ARNT2: variants seen among roughly 807,000 people sequenced by gnomAD.
ARNT2 encodes the protein aryl hydrocarbon receptor nuclear translocator 2.
Under a neutral mutation model 91.7 loss-of-function variants are expected in ARNT2, and 36 were observed. That is an observed-to-expected ratio of 0.39 (90% confidence interval 0.30 to 0.52). The LOEUF (loss-of-function observed/expected upper bound fraction) is 0.52. Among genes scored for constraint, ARNT2 ranks in the 20% least tolerant of loss-of-function variants. The pLI is 0.72. For missense variants in ARNT2, 775 were observed against 939.3 expected (o/e 0.83, Z 2.29); for synonymous variants, 365 against 347.1 (o/e 1.05, Z -0.57).
chr15:80,518,277 C>CTTTT lies in ARNT2; in HGVS notation c.877+3891_877+3894dup, dbSNP rs56726705. On this transcript the variant is annotated intron_variant, in intron 8 of 18. Coordinates refer to ENST00000303329, the MANE Select transcript of ARNT2 (RefSeq NM_014862.4). Reference sequence around the variant, plus strand: ...CCGAAGAACTTTTTCTTTTTCTATTCTTTTTTTTTTTTTTTTTTTTTTGAG... The same window carrying CTTTT: ...CCGAAGAACTTTTTCTTTTTCTATTCTTTTTTTTTTTTTTTTTTTTTTTTTTGAG... Among the ~76,000 whole-genome samples the CTTTT allele has an allele frequency of 3.9e-3, 351 of 89,356 alleles. 9 individuals carry two copies. Among genetic ancestry groups the CTTTT allele is most frequent in the African/African-American group, 8.3e-3 (181 of 21,840 alleles). 58.6% of individuals were successfully genotyped at this position (89,356 alleles called of 152,430 possible). A position where few individuals can be genotyped will look rare whatever the true frequency, so the allele number is the denominator to read the frequency against.
rs546310489 is a variant in ARNT2, at chr15:80,536,014, G to A, written c.878-15185G>A. Among the ~76,000 whole-genome samples the A allele has an allele frequency of 3.0e-4, 45 of 152,170 alleles. 1 individual carries two copies. Among genetic ancestry groups the A allele is most frequent in the African/African-American group, 9.2e-4 (38 of 41,504 alleles). Reference sequence around the variant, plus strand: ...CTCTCTGCATGTCTGCTTTTACACCGACCCAATCCAATCACATCCTTTTAT... The same window carrying A: ...CTCTCTGCATGTCTGCTTTTACACCAACCCAATCCAATCACATCCTTTTAT... On this transcript the variant is annotated intron_variant, in intron 8 of 18. Coordinates refer to ENST00000303329, the MANE Select transcript of ARNT2 (RefSeq NM_014862.4).
intron 9 of ARNT2, 40 bp from the exon 10 acceptor site, chr15:80,552,600 C>T: frequency 6.2e-7 from 1 of 1,604,000 alleles, no homozygotes; most frequent in Non-Finnish European, 8.5e-7. Context: ...CATCTCGTCT[C>T]TGTCAACACC....
At position 80,576,958 on chromosome 15, in the gene ARNT2, G is replaced by A. The variant is rs550003209; in HGVS notation, c.1606G>A (p.Ala536Thr). Residue 536 changes from alanine (A) to threonine (T), a missense_variant, in exon 15 of 19, where the codon GCC becomes ACC. By Grantham distance (58) the Ala-to-Thr change is moderately conservative (BLOSUM62 0). Coordinates refer to ENST00000303329, the MANE Select transcript of ARNT2 (RefSeq NM_014862.4). ...ATTTCCCTCTGGACACTCCGGGAAG[G>A]CCTTCAGGTATGTGCCAGCGAGGGG... The part of the protein sequence containing the change: ...SPFPSGHSGK[A>T]FSSSVVHVPG... 2.5e-6 allele frequency: 4 copies of A among 1,614,030 alleles called. No individual in the cohort carries two copies. The highest frequency in any genetic ancestry group is 2.2e-5 in the East Asian group (1 of 44,880).
At chr15:80,581,209 T>C in intron 16 of ARNT2, 30 bp from the exon 17 acceptor site, 1 of 1,611,240 alleles carries the variant, frequency 6.2e-7, no homozygotes, top group Non-Finnish European at 8.5e-7. Context: ...TGGTGATGCT[T>C]TCCATCTCTT....
intron 3 of ARNT2, among the ~76,000 whole-genome samples, chr15:80,464,245 C>A (rs1896613618): frequency 6.6e-6 from 1 of 151,882 alleles, no homozygotes; most frequent in Non-Finnish European, 1.5e-5. Flanking sequence ...TGTTCCCAGT[C>A]CTGGTAAGTC....
At chr15:80,586,668 C>T (rs1004512371) in intron 17 of ARNT2, among the ~76,000 whole-genome samples, 9 of 151,970 alleles carry the variant, frequency 5.9e-5, no homozygotes, top group Admixed American at 5.2e-4. Context: ...GAGTCCAAGA[C>T]CAGCCTGGCC....
chr15:80,581,430 T>A (rs1338648741), intron 17 of ARNT2, 26 bp downstream of exon 17: 1 of 1,613,392 alleles, frequency 6.2e-7, no homozygotes, highest in East Asian at 2.2e-5. Context: ...GGGAGTGAGA[T>A]TCTGGGAAAG....
intron 1 of ARNT2, among the ~76,000 whole-genome samples, chr15:80,428,317 G>T (rs1895960795): frequency 6.6e-6 from 1 of 152,192 alleles, no homozygotes; most frequent in African/African-American, 2.4e-5. Flanking sequence ...AAGATGTCTT[G>T]GACATGATCT....
rs1567002482 is a variant in ARNT2 at position 80,563,127 on chromosome 15, C to T, written c.1204C>T (p.Arg402Ter). 1 of 1,614,178 alleles carries T rather than the reference C, an allele frequency of 6.2e-7. No homozygotes were observed. ...AGGCCAAGTCCTGTCGGTCATGTAT[C>T]GATTTCGCACCAAGAACCGGGAGTG... ...LKGQVLSVMY[R>*]FRTKNREWML... Residue 402 changes from arginine to a stop codon, truncating the protein, a stop_gained, in exon 12 of 19, where the codon CGA becomes TGA. Transcript: ENST00000303329. LOFTEE classifies it high-confidence loss of function.
At position 80,460,805 on chromosome 15, in the gene ARNT2, A is replaced by G. The variant is rs563349448; in HGVS notation, c.194+2829A>G. Reference sequence around the variant, plus strand: ...GGAGGGGTACTTTTTAAGGATGAGTACATCCATGTGAGGAGGAGAAGTAAT... The same window carrying G: ...GGAGGGGTACTTTTTAAGGATGAGTGCATCCATGTGAGGAGGAGAAGTAAT... On this transcript the variant is annotated intron_variant, in intron 3 of 18. Coordinates refer to ENST00000303329, the MANE Select transcript of ARNT2 (RefSeq NM_014862.4). Among the ~76,000 whole-genome samples, 5 of 152,292 alleles carry G rather than the reference A, an allele frequency of 3.3e-5. No individual in the cohort carries two copies. In the South Asian group the frequency reaches 8.3e-4, roughly 25 times the overall value.
At chr15:80,513,840 G>C in intron 6 of ARNT2, 71 bp from the exon 7 acceptor site, 1 of 1,308,776 alleles carries the variant, frequency 7.6e-7, no homozygotes, top group Non-Finnish European at 1.1e-6. Context: ...TCATCTACTT[G>C]ATGGCAGCAC....
intron 6 of ARNT2, among the ~76,000 whole-genome samples, chr15:80,509,847 C>A (rs995683186): frequency 6.6e-6 from 1 of 152,130 alleles, no homozygotes; most frequent in African/African-American, 2.4e-5. Context: ...GTCTCAGAAG[C>A]AGAGTGAATG....
At chr15:80,524,326 G>T (rs923792328) in intron 8 of ARNT2, among the ~76,000 whole-genome samples, 1 of 152,182 alleles carries the variant, frequency 6.6e-6, no homozygotes, top group Non-Finnish European at 1.5e-5. Flanking sequence ...CAAACCTTTT[G>T]TAGAATAACC....
chr15:80,423,923 T>C (rs927014198), intron 1 of ARNT2, among the ~76,000 whole-genome samples: 4 of 152,198 alleles, frequency 2.6e-5, no homozygotes, highest in Admixed American at 2.6e-4. Context: ...GCGTTTGGCT[T>C]CAAGTAAAGA....
At chr15:80,456,767 T>A (rs573357814) in intron 2 of ARNT2, among the ~76,000 whole-genome samples, 71 of 152,192 alleles carry the variant, frequency 4.7e-4, no homozygotes, top group African/African-American at 1.6e-3. Context: ...AGGGTATGGG[T>A]CACCCTTACT....
At chr15:80,418,794 A>G (rs1046338098) in intron 1 of ARNT2, among the ~76,000 whole-genome samples, 5 of 152,232 alleles carry the variant, frequency 3.3e-5, no homozygotes, top group Non-Finnish European at 7.3e-5. Flanking sequence ...GTCCCAAGAC[A>G]ATCAAGTTTT....
chr15:80,570,174 C>A (rs1898560261), intron 12 of ARNT2, among the ~76,000 whole-genome samples: 1 of 152,194 alleles, frequency 6.6e-6, no homozygotes, highest in African/African-American at 2.4e-5. Flanking sequence ...CATATGTGTT[C>A]CATATTCTTG....
intron 13 of ARNT2, 95 bp from the exon 14 acceptor site, chr15:80,574,892 G>A (rs1898642470): frequency 7.0e-7 from 1 of 1,423,336 alleles, no homozygotes; most frequent in African/African-American, 1.4e-5. Flanking sequence ...CCAGAGGGAG[G>A]GGGCTCTGAT....
chr15:80,422,150 G>A (rs889230694), intron 1 of ARNT2, among the ~76,000 whole-genome samples: 1 of 152,154 alleles, frequency 6.6e-6, no homozygotes, highest in Non-Finnish European at 1.5e-5. Context: ...GAAGTTAGGT[G>A]TATTAAGATT....
Sources: gnomAD v4.1 joint callset for allele counts (sites outside exome capture counted in the v4.1 genomes callset) on GRCh38, gnomAD v4.1.1 for gene constraint, MANE v1.5 for transcripts, NCBI Gene and HGNC (gene_info 2026-07-23, HGNC 2026-07-21) for gene names.